The following NELL2 variants were observed in gnomAD, a reference collection of about 807,000 sequenced individuals.
The protein encoded by NELL2 is neural EGFL like 2.
In NELL2, 41 loss-of-function variants were observed where a neutral mutation model predicts 109.6. The observed-to-expected ratio is 0.37, with a 90% CI of 0.29 to 0.49. The LOEUF is 0.49. Ranked by LOEUF, NELL2 falls within the 20% of genes least tolerant of loss-of-function variation. The pLI is 0.98. For missense variants in NELL2, 900 were observed against 1,008.3 expected, an observed-to-expected ratio of 0.89 and a Z score of 1.45; for synonymous variants, 355 against 344.7, an observed-to-expected ratio of 1.03 and a Z score of -0.33.
chr12:44,719,570 A>C (rs1709590955), intron 9 of NELL2, among the ~76,000 whole-genome samples: 1 of 152,186 alleles, frequency 6.6e-6, no homozygotes, highest in African/African-American at 2.4e-5. Flanking sequence ...TTACAAAATT[A>C]AAAGTTATAA....
intron 2 of NELL2, among the ~76,000 whole-genome samples, chr12:44,828,589 C>A (rs1382922225): frequency 1.3e-5 from 2 of 152,024 alleles, no homozygotes; most frequent in African/African-American, 4.8e-5. Context: ...GAAGTATAAG[C>A]ATTAATCAAC....
intron 12 of NELL2, among the ~76,000 whole-genome samples, chr12:44,681,226 T>C (rs1319722931): frequency 1.3e-5 from 2 of 150,640 alleles, no homozygotes; most frequent in Non-Finnish European, 3.0e-5. Flanking sequence ...ATATTTTGTC[T>C]ACTTTATTTG....
At chr12:44,805,642 G>A (rs1476319633) in intron 3 of NELL2, among the ~76,000 whole-genome samples, 1 of 151,798 alleles carries the variant, frequency 6.6e-6, no homozygotes, top group Non-Finnish European at 1.5e-5. Context: ...AATAGAATAT[G>A]TGTTTAATAT....
intron 9 of NELL2, among the ~76,000 whole-genome samples, chr12:44,746,147 A>G (rs1191402032): frequency 2.0e-5 from 3 of 152,248 alleles, no homozygotes; most frequent in South Asian, 2.1e-4. Context: ...AATGCCGCGT[A>G]TCTACAACTA....
chr12:44,811,336 G>GC (rs1943170160), intron 3 of NELL2, among the ~76,000 whole-genome samples: 1 of 5,260 alleles, frequency 1.9e-4, no homozygotes, highest in Non-Finnish European at 4.4e-4. Flanking sequence ...AGAACTAAAA[G>GC]TAAAAAAAAA....
Position 44,775,227 on chromosome 12 carries a change from GCACACACACATGCATGTGCGTGCGCA to G in NELL2, c.892-404_892-379del, listed in dbSNP as rs112594468. On this transcript the variant is annotated intron_variant, in intron 8 of 19. Coordinates refer to ENST00000429094, the MANE Select transcript of NELL2 (RefSeq NM_001145108.2). ...ATCATGCACACGAACATGCACGCAC[GCACACACACATGCATGTGCGTGCGCA>G]CGCACACACACACACACAGTTCTGA... Among the ~76,000 whole-genome samples the G allele has an allele frequency of 9.5e-3, 1,441 of 151,188 alleles. 25 individuals are homozygous for G. Among genetic ancestry groups the G allele is most frequent in the African/African-American group, 0.032 (1,320 of 40,934 alleles).
chr12:44,868,749 GT>G (rs1337131634), intron 2 of NELL2, among the ~76,000 whole-genome samples: 2 of 152,142 alleles, frequency 1.3e-5, no homozygotes, highest in Non-Finnish European at 2.9e-5. Flanking sequence ...GGGGATAGTT[GT>G]TGGGGAGATG....
rs186155630 is a variant in NELL2 at position 44,857,705 on chromosome 12, G to C, written c.184+17520C>G. ...AAGTAATTATGTTGGGGTTGCTGTA[G>C]AGAGGAGCTATGCCCTGAATCTTCC... On this transcript the variant is annotated intron_variant, in intron 2 of 19. Coordinates refer to ENST00000429094, the MANE Select transcript of NELL2 (RefSeq NM_001145108.2). Among the ~76,000 whole-genome samples the C allele has an allele frequency of 3.0e-3, 461 of 152,280 alleles. 2 individuals are homozygous for C. Among genetic ancestry groups the C allele is most frequent in the African/African-American group, 0.011 (450 of 41,548 alleles).
intron 1 of NELL2, among the ~76,000 whole-genome samples, chr12:44,891,269 G>A (rs1945530996): frequency 6.6e-6 from 1 of 152,142 alleles, no homozygotes; most frequent in South Asian, 2.1e-4. Context: ...ATTTCAAATA[G>A]ACTGGCACCC....
At chr12:44,785,011 C>A (rs7952799) in intron 3 of NELL2, among the ~76,000 whole-genome samples, 36,199 of 151,934 alleles carry the variant, frequency 0.24, 4,596 homozygotes, top group South Asian at 0.3. Flanking sequence ...TATTCAACAC[C>A]GTATTGGAAG....
rs1942623461 is a variant in NELL2 at position 44,796,438 on chromosome 12, G to T, written c.336-16416C>A. The stretch of plus-strand genomic sequence containing the variant: ...AGAACTTCCTGACACAGACCATTTT[G>T]TTTTTAATTTTAAATAATTTTTCTT... On this transcript the variant is annotated intron_variant, in intron 3 of 19. Coordinates refer to ENST00000429094, the MANE Select transcript of NELL2 (RefSeq NM_001145108.2). 2.6e-5 allele frequency among the ~76,000 whole-genome samples: 4 copies of T among 152,080 alleles called. No homozygotes were observed. The South Asian group carries it at 8.3e-4, about 32-fold the overall frequency.
chr12:44,580,048 G>C (rs1944266853), intron 15 of NELL2, among the ~76,000 whole-genome samples: 1 of 152,084 alleles, frequency 6.6e-6, no homozygotes, highest in Non-Finnish European at 1.5e-5. Context: ...ACGTGTTTCA[G>C]AATTTTTCTT....
intron 13 of NELL2, among the ~76,000 whole-genome samples, chr12:44,658,106 A>T (rs1036551650): frequency 6.6e-6 from 1 of 152,182 alleles, no homozygotes; most frequent in Non-Finnish European, 1.5e-5. Context: ...ACAGTGTAAA[A>T]GTGTTCTTAT....
intron 15 of NELL2, among the ~76,000 whole-genome samples, chr12:44,577,054 T>C (rs1361006976): frequency 4.6e-4 from 62 of 135,808 alleles, no homozygotes; most frequent in Non-Finnish European, 7.9e-4. Context: ...CCTTTGGGTA[T>C]ATACCCAGTA....
At chr12:44,544,110 C>A (rs552403072) in intron 15 of NELL2, among the ~76,000 whole-genome samples, 5 of 151,974 alleles carry the variant, frequency 3.3e-5, no homozygotes, top group Admixed American at 2.6e-4. Context: ...TAAAAAAAAA[C>A]CATTGTAGTT....
chr12:44,655,088 T>C (rs1173476123), intron 13 of NELL2, among the ~76,000 whole-genome samples: 1 of 152,194 alleles, frequency 6.6e-6, no homozygotes, highest in Non-Finnish European at 1.5e-5. Context: ...TTCAGCTATC[T>C]GCTTTTCATA....
At chr12:44,848,101 TG>T (rs1036061267) in intron 2 of NELL2, among the ~76,000 whole-genome samples, 2 of 149,958 alleles carry the variant, frequency 1.3e-5, no homozygotes, top group East Asian at 3.9e-4. Flanking sequence ...ATGATGGCTG[TG>T]GGGGCTGCAG....
intron 2 of NELL2, among the ~76,000 whole-genome samples, chr12:44,832,181 T>A (rs1943909887): frequency 6.6e-6 from 1 of 152,196 alleles, no homozygotes; most frequent in Non-Finnish European, 1.5e-5. Flanking sequence ...GCCCCAAAAT[T>A]GGCCTTTGGG....
Position 44,763,410 on chromosome 12 carries a change from T to C in NELL2, c.994+11337A>G, listed in dbSNP as rs115404829. 5.3e-3 allele frequency among the ~76,000 whole-genome samples: 812 copies of C among 152,286 alleles called. 7 individuals are homozygous for C. The highest frequency in any genetic ancestry group is 0.018 in the African/African-American group (759 of 41,556). On this transcript the variant is annotated intron_variant, in intron 9 of 19. Coordinates refer to ENST00000429094, the MANE Select transcript of NELL2 (RefSeq NM_001145108.2). ...ACAAAATAGTATGAAAAGAATACGT[T>C]ATCTACTGCATTTTTTCCTCTTTCT... is the stretch of plus-strand genomic sequence containing the variant.
Sources: gnomAD v4.1 joint callset for allele counts (sites outside exome capture counted in the v4.1 genomes callset) on GRCh38, gnomAD v4.1.1 for gene constraint, MANE v1.5 for transcripts, NCBI Gene and HGNC (gene_info 2026-07-23, HGNC 2026-07-21) for gene names.